Variants in OTUD7B observed in about 807,000 individuals in gnomAD.
The protein encoded by OTUD7B is OTU domain-containing protein 7B.
OTUD7B carries 34 observed loss-of-function variants against 82.2 expected under a neutral mutation model. That is an observed-to-expected ratio of 0.41 (90% CI 0.31 to 0.55). OTUD7B has a LOEUF of 0.55. OTUD7B is among the 20% of genes least tolerant of loss of function. The pLI is 0.20. For synonymous variants in OTUD7B, 398 were observed against 402.7 expected (o/e 0.99, Z 0.14); for missense variants, 944 against 1,062.1 (o/e 0.89, Z 1.55).
rs191204938 is a variant in OTUD7B, at chr1:149,952,157, G to A, written c.846-1936C>T. ...GTTGGTGTGCTGCACCCATTAACTCGTCATTTACATTAGATATATCTCCTA... is the reference window on the plus strand; with the variant it reads ...GTTGGTGTGCTGCACCCATTAACTCATCATTTACATTAGATATATCTCCTA... On this transcript the variant is annotated intron_variant, in intron 7 of 11. Transcript: ENST00000581312. Among the ~76,000 whole-genome samples the A allele has an allele frequency of 1.1e-4, 16 of 151,746 alleles. No individual in the cohort carries two copies. In the East Asian group the frequency reaches 3.1e-3, roughly 29 times the overall value.
chr1:149,987,633 A>G (rs1245099339), intron 1 of OTUD7B, among the ~76,000 whole-genome samples: 2 of 152,156 alleles, frequency 1.3e-5, no homozygotes, highest in African/African-American at 4.8e-5. Context: ...CTGGTGCCCA[A>G]CATAGCCCCC....
At chr1:149,987,644 T>G (rs1651245503) in intron 1 of OTUD7B, among the ~76,000 whole-genome samples, 1 of 152,064 alleles carries the variant, frequency 6.6e-6, no homozygotes, top group Non-Finnish European at 1.5e-5. Flanking sequence ...CATAGCCCCC[T>G]CCCTGTATCT....
the OTUD7B span, among the ~76,000 whole-genome samples, chr1:150,030,247 A>T: frequency 1.3e-5 from 2 of 152,162 alleles, no homozygotes; most frequent in African/African-American, 4.8e-5. Flanking sequence ...TCACTTAGAA[A>T]ATTGAGGCCT....
chr1:150,033,424 T>C, the OTUD7B span, among the ~76,000 whole-genome samples: 4 of 152,298 alleles, frequency 2.6e-5, no homozygotes, highest in East Asian at 7.7e-4. Context: ...AGTGAAATAG[T>C]TGGAGGAAGG....
Position 149,977,503 on chromosome 1 carries a change from A to T in OTUD7B, c.8T>A (p.Leu3Gln). The change falls in exon 2 of 12, where the codon CTG (leucine) becomes CAG (glutamine). Residue 3 changes from leucine (L) to glutamine (Q), a missense_variant. This residue lies in a region of OTUD7B where 530 missense variants were observed against 625.6 expected (regional missense o/e 0.85). Transcript: ENST00000581312. ...ATCTGACAGAACAGCATCCATGTCCAGGGTCATGTGATCCTCAAGTACTTT... is the reference window on the plus strand; with the variant it reads ...ATCTGACAGAACAGCATCCATGTCCTGGGTCATGTGATCCTCAAGTACTTT... MT[L>Q]DMDAVLSDFV... 6.2e-7 allele frequency: 1 copy of T among 1,613,970 alleles called. No individual in the cohort carries two copies. Among genetic ancestry groups the T allele is most frequent in the Non-Finnish European group, 8.5e-7 (1 of 1,179,812 alleles).
At chr1:149,952,813 A>AT (rs1214220129) in intron 7 of OTUD7B, among the ~76,000 whole-genome samples, 73 of 152,184 alleles carry the variant, frequency 4.8e-4, no homozygotes, top group Non-Finnish European at 8.2e-4. Flanking sequence ...GATGATGAGC[A>AT]TTTTTTCATG....
At chr1:150,059,035 A>G in the OTUD7B span, among the ~76,000 whole-genome samples, 1 of 149,264 alleles carries the variant, frequency 6.7e-6, no homozygotes, top group Admixed American at 6.7e-5. Flanking sequence ...GCAAATATAT[A>G]CTTTCTTACT....
intron 1 of OTUD7B, among the ~76,000 whole-genome samples, chr1:150,000,581 G>A (rs1042763537): frequency 2.0e-5 from 3 of 152,106 alleles, no homozygotes; most frequent in Non-Finnish European, 4.4e-5. Context: ...AGATCTACCT[G>A]TAGACACATC....
intron 8 of OTUD7B, 52 bp from the exon 9 acceptor site, chr1:149,949,830 C>A: frequency 6.4e-7 from 1 of 1,565,158 alleles, no homozygotes; most frequent in Non-Finnish European, 8.7e-7. Context: ...GCCTAGTGGA[C>A]AATCCCTACA....
intron 1 of OTUD7B, among the ~76,000 whole-genome samples, chr1:149,993,218 T>G (rs1189445457): frequency 2.0e-5 from 3 of 152,180 alleles, no homozygotes; most frequent in African/African-American, 7.2e-5. Context: ...TTCAAGTTTA[T>G]TTGTAGGGAG....
chr1:150,032,480 A>AAAAAG, the OTUD7B span, among the ~76,000 whole-genome samples: 1 of 149,530 alleles, frequency 6.7e-6, no homozygotes, highest in African/African-American at 2.5e-5. Context: ...AAAAAAAAAA[A>AAAAAG]AAAAAATAGC....
chr1:149,976,941 G>A (rs1404180821), intron 2 of OTUD7B, among the ~76,000 whole-genome samples: 4 of 152,018 alleles, frequency 2.6e-5, no homozygotes, highest in Admixed American at 2.6e-4. Flanking sequence ...GCCAACAGGT[G>A]AAACTTAATC....
chr1:149,992,422 C>T (rs1651632902), intron 1 of OTUD7B, among the ~76,000 whole-genome samples: 1 of 150,910 alleles, frequency 6.6e-6, no homozygotes, highest in Non-Finnish European at 1.5e-5. Flanking sequence ...TTATCATACA[C>T]CATCCAGAAA....
chr1:150,027,696 T>C, the OTUD7B span, among the ~76,000 whole-genome samples: 2 of 152,128 alleles, frequency 1.3e-5, no homozygotes, highest in Non-Finnish European at 2.9e-5. Flanking sequence ...AATAATCTGC[T>C]AGTGTCCTTT....
At chr1:150,016,536 C>T in the OTUD7B span, among the ~76,000 whole-genome samples, 1 of 149,906 alleles carries the variant, frequency 6.7e-6, no homozygotes, top group Admixed American at 6.7e-5. Context: ...CTCACTGCAA[C>T]CTCTGCCTCC....
In OTUD7B at chr1:149,943,585, T is replaced by C. The variant is rs1295809349; in HGVS notation, c.*272A>G. ...TCCCTGGATGGGACCCAGGAGGTTA[T>C]AAGACAGAATCGCCATCTTTTCCCC... On this transcript the variant is annotated 3_prime_UTR_variant, in exon 12 of 12. Coordinates refer to ENST00000581312, the MANE Select transcript of OTUD7B (RefSeq NM_020205.4). The C allele has an allele frequency of 4.6e-6, 2 of 437,146 alleles. No individual in the cohort carries two copies. The highest frequency in any genetic ancestry group is 3.8e-5 in the Admixed American group (1 of 26,130). 27.1% of individuals were successfully genotyped at this position (437,146 alleles called of 1,614,324 possible). A position where few individuals can be genotyped will look rare whatever the true frequency, so the allele number is the denominator to read the frequency against.
At chr1:149,950,975 G>T (rs1345028608) in intron 7 of OTUD7B, among the ~76,000 whole-genome samples, 160 of 12,172 alleles carry the variant, frequency 0.013, 7 homozygotes, top group East Asian at 0.079. Flanking sequence ...TGTACTTTTT[G>T]TATTTTTTTT....
intron 1 of OTUD7B, among the ~76,000 whole-genome samples, chr1:149,999,779 C>A (rs782214026): frequency 1.3e-5 from 2 of 152,142 alleles, no homozygotes; most frequent in African/African-American, 4.8e-5. Flanking sequence ...TCTTCACATG[C>A]GACTACCTTC....
intron 7 of OTUD7B, among the ~76,000 whole-genome samples, chr1:149,950,934 G>T (rs1648171854): frequency 7.0e-6 from 1 of 143,554 alleles, no homozygotes. Flanking sequence ...CGGGACTACA[G>T]GCACCCGCCA....
Sources: gnomAD v4.1 joint callset for allele counts (sites outside exome capture counted in the v4.1 genomes callset) on GRCh38, gnomAD v4.1.1 for gene constraint, gnomAD v4.1.1 regional missense constraint, MANE v1.5 for transcripts, NCBI Gene and HGNC (gene_info 2026-07-23, HGNC 2026-07-21) for gene names.